PLXNA4: variants seen among roughly 807,000 people sequenced by gnomAD.
The protein encoded by PLXNA4 is plexin A4.
In PLXNA4, 44 loss-of-function variants were observed where a neutral mutation model predicts 191.8. The ratio of observed to expected loss-of-function variants is 0.23; its 90% CI spans 0.18 to 0.29. PLXNA4 has a LOEUF of 0.29. PLXNA4 is among the 10% of genes least tolerant of loss of function. The pLI is 1.00. For synonymous variants in PLXNA4, 1,082 were observed against 1,009.5 expected, an observed-to-expected ratio of 1.07 and a Z score of -1.36; for missense variants, 1,800 against 2,488.8, an observed-to-expected ratio of 0.72 and a Z score of 5.89.
At chr7:132,149,982 C>A (rs2116583653) in intron 25 of PLXNA4, among the ~76,000 whole-genome samples, 1 of 152,322 alleles carries the variant, frequency 6.6e-6, no homozygotes, top group African/African-American at 2.4e-5. Context: ...AAAATCTAAG[C>A]CCCTTGCCTC....
At chr7:132,393,184 C>T (rs1010330544) in intron 3 of PLXNA4, among the ~76,000 whole-genome samples, 1 of 148,104 alleles carries the variant, frequency 6.8e-6, no homozygotes, top group Non-Finnish European at 1.5e-5. Flanking sequence ...AACATTGACC[C>T]CCAACACCCC....
intron 2 of PLXNA4, among the ~76,000 whole-genome samples, chr7:132,592,762 C>T (rs1436040106): frequency 6.6e-6 from 1 of 151,640 alleles, no homozygotes; most frequent in Non-Finnish European, 1.5e-5. Flanking sequence ...CACATTGTGA[C>T]TAGATCAGGG....
intron 3 of PLXNA4, among the ~76,000 whole-genome samples, chr7:132,348,574 C>T (rs538982912): frequency 1.1e-4 from 16 of 152,334 alleles, no homozygotes; most frequent in Non-Finnish European, 1.5e-4. Flanking sequence ...TTCCCAGCTG[C>T]AAGCACATGG....
At chr7:132,636,805 A>G (rs192353325) in intron 2 of PLXNA4, among the ~76,000 whole-genome samples, 1 of 152,292 alleles carries the variant, frequency 6.6e-6, no homozygotes, top group East Asian at 1.9e-4. Context: ...TACTGGCCTC[A>G]GGCACTGAAT....
intron 3 of PLXNA4, among the ~76,000 whole-genome samples, chr7:132,306,125 C>T (rs887228780): frequency 9.9e-5 from 15 of 152,168 alleles, no homozygotes; most frequent in Non-Finnish European, 2.9e-5. Context: ...TCAGGCCTTG[C>T]TCACAGGGCC....
chr7:132,205,803 AG>A (rs1797597435), intron 10 of PLXNA4, among the ~76,000 whole-genome samples: 11 of 152,194 alleles, frequency 7.2e-5, no homozygotes, highest in Non-Finnish European at 2.9e-5. Context: ...TTCTGCTCTC[AG>A]GCCTAGGTCT....
At chr7:132,557,925 T>TA (rs1800872746) in intron 1 of PLXNA4, among the ~76,000 whole-genome samples, 2 of 150,784 alleles carry the variant, frequency 1.3e-5, no homozygotes, top group African/African-American at 4.9e-5. Flanking sequence ...AAGTTTAAGG[T>TA]AGGGAGAGAG....
intron 3 of PLXNA4, among the ~76,000 whole-genome samples, chr7:132,366,262 C>G (rs1309407501): frequency 6.6e-6 from 1 of 152,070 alleles, no homozygotes; most frequent in Non-Finnish European, 1.5e-5. Context: ...ATGGTGGCTC[C>G]CACCTATAAT....
chr7:132,353,447 C>CATATATAT (rs59890004), intron 3 of PLXNA4, among the ~76,000 whole-genome samples: 13 of 149,642 alleles, frequency 8.7e-5, no homozygotes, highest in African/African-American at 3.2e-4. Flanking sequence ...TTCTATGCAA[C>CATATATAT]ATATATATAT....
chr7:132,355,760 A>T (rs570245390), intron 3 of PLXNA4, among the ~76,000 whole-genome samples: 1 of 152,214 alleles, frequency 6.6e-6, no homozygotes, highest in African/African-American at 2.4e-5. Context: ...AAGGGGGAAA[A>T]ATCAAGAGGC....
chr7:132,267,581 C>T (rs1799904807), intron 4 of PLXNA4, among the ~76,000 whole-genome samples: 1 of 152,212 alleles, frequency 6.6e-6, no homozygotes, highest in South Asian at 2.1e-4. Context: ...CATGGCAATC[C>T]TTGGAAACAT....
chr7:132,254,830 T>G (rs1200116577), intron 4 of PLXNA4, among the ~76,000 whole-genome samples: 2 of 152,174 alleles, frequency 1.3e-5, no homozygotes, highest in Admixed American at 1.3e-4. Flanking sequence ...CTGATCTATA[T>G]CCGACTAAGG....
At chr7:132,352,888 A>G (rs73434895) in intron 3 of PLXNA4, among the ~76,000 whole-genome samples, 2 of 152,180 alleles carry the variant, frequency 1.3e-5, no homozygotes, top group African/African-American at 2.4e-5. Flanking sequence ...AGACCTCACC[A>G]GTCAAGTACG....
chr7:132,379,087 A>G lies in PLXNA4; in HGVS notation c.1372-80865T>C, dbSNP rs7811976. ...ACTGGTCTCGAACTCCTGACTTCAG[A>G]TGATCCGTCCACCTCAGCCTCCCAA... On this transcript the variant is annotated intron_variant, in intron 3 of 31. Coordinates refer to ENST00000321063, the MANE Select transcript of PLXNA4 (RefSeq NM_020911.2). Among the ~76,000 whole-genome samples, 1,299 of 152,178 alleles carry G rather than the reference A, an allele frequency of 8.5e-3. 21 individuals carry two copies. The highest frequency in any genetic ancestry group is 0.03 in the African/African-American group (1,236 of 41,516).
chr7:132,507,691 G>A lies in PLXNA4; in HGVS notation c.1003C>T (p.Leu335Phe). 1 of 1,614,234 alleles carries A rather than the reference G, an allele frequency of 6.2e-7. No individual in the cohort carries two copies. Among genetic ancestry groups the A allele is most frequent in the Non-Finnish European group, 8.5e-7 (1 of 1,180,054 alleles). ...TGGCCCTTGGAGAAGACGGTGAAGA[G>A]CAGGTCATCATCTGGATGGACTCCA... ...TLGVHPDDDL[L>F]FTVFSKGQKR... The change falls in exon 2 of 32, where the codon CTC becomes TTC. Residue 335 changes from leucine (L) to phenylalanine (F), a missense_variant. Leu to Phe is a conservative substitution (Grantham distance 22, BLOSUM62 0). Coordinates refer to ENST00000321063, the MANE Select transcript of PLXNA4 (RefSeq NM_020911.2).
chr7:132,130,333 A>T lies in PLXNA4; in HGVS notation c.*146T>A, dbSNP rs1584742486. The T allele has an allele frequency of 1.8e-5, 20 of 1,142,108 alleles. No individual in the cohort carries two copies. In the East Asian group the frequency reaches 5.1e-4, roughly 29 times the overall value. The allele number at this position is 1,142,108 out of a possible 1,614,324, so 70.7% of individuals were successfully genotyped here. ...GATCCAGGAAGGAGGGAGAAACGGA[A>T]AGAGGCAGAGAGAAAGAGAGAGAAA... is the stretch of plus-strand genomic sequence containing the variant. On this transcript the variant is annotated 3_prime_UTR_variant, in exon 32 of 32. Transcript: ENST00000321063.
chr7:132,329,945 G>A (rs1012677088), intron 3 of PLXNA4, among the ~76,000 whole-genome samples: 9 of 152,316 alleles, frequency 5.9e-5, no homozygotes, highest in Admixed American at 2.6e-4. Flanking sequence ...GCCAGGTGCT[G>A]TCCTGAGCAC....
intron 3 of PLXNA4, among the ~76,000 whole-genome samples, chr7:132,337,934 C>T (rs1802881017): frequency 6.6e-6 from 1 of 152,182 alleles, no homozygotes; most frequent in African/African-American, 2.4e-5. Flanking sequence ...GGAAGTTCTG[C>T]TGACTGTCTG....
At chr7:132,291,826 C>T (rs141166684) in intron 4 of PLXNA4, among the ~76,000 whole-genome samples, 41 of 152,280 alleles carry the variant, frequency 2.7e-4, no homozygotes, top group African/African-American at 8.7e-4. Context: ...GTCAGAGTCT[C>T]ACTAGTCACA....
Sources: allele counts gnomAD v4.1 joint callset (sites outside exome capture counted in the v4.1 genomes callset), GRCh38; gene constraint gnomAD v4.1.1; transcripts MANE v1.5; gene names NCBI Gene and HGNC (gene_info 2026-07-23, HGNC 2026-07-21).